Variants in TMEM87B observed in about 807,000 individuals in gnomAD.
TMEM87B encodes the protein transmembrane protein 87B.
TMEM87B carries 83 observed loss-of-function variants against 80.3 expected under a neutral mutation model. The ratio of observed to expected loss-of-function variants is 1.03; its 90% CI spans 0.87 to 1.24. The LOEUF (loss-of-function observed/expected upper bound fraction) is 1.24, where lower values mean the gene tolerates loss of function less well. Ranked by LOEUF, TMEM87B falls within the 50% of genes most tolerant of loss-of-function variation. The pLI is 0.00. For missense variants in TMEM87B, 625 were observed against 674.4 expected (o/e 0.93, Z 0.81); for synonymous variants, 219 against 230.5 (o/e 0.95, Z 0.45).
At chr2:112,077,543 A>G (rs1233539322) in intron 6 of TMEM87B, among the ~76,000 whole-genome samples, 1 of 152,232 alleles carries the variant, frequency 6.6e-6, no homozygotes, top group African/African-American at 2.4e-5. Context: ...AAAATTCTCC[A>G]TTCTTTCAGA....
At chr2:112,086,858 C>T (rs1396225938) in intron 9 of TMEM87B, among the ~76,000 whole-genome samples, 2 of 152,170 alleles carry the variant, frequency 1.3e-5, no homozygotes, top group African/African-American at 4.8e-5. Flanking sequence ...CCCCACCTCT[C>T]CTGCTCTTGC....
At chr2:112,098,565 C>G (rs780546698) in intron 13 of TMEM87B, 30 bp from the exon 14 acceptor site, 2 of 1,599,438 alleles carry the variant, frequency 1.3e-6, no homozygotes, top group South Asian at 2.2e-5. Flanking sequence ...AGAAAATTAA[C>G]GTTTCATGCT....
intron 4 of TMEM87B, among the ~76,000 whole-genome samples, chr2:112,073,301 T>A (rs1678713490): frequency 6.6e-6 from 1 of 152,234 alleles, no homozygotes. Context: ...TGGTATGTTG[T>A]ATCTTTGTTC....
chr2:112,056,562 T>A (rs1558824299), intron 1 of TMEM87B, among the ~76,000 whole-genome samples: 2 of 152,166 alleles, frequency 1.3e-5, no homozygotes, highest in Non-Finnish European at 2.9e-5. Flanking sequence ...AGGCATTATC[T>A]CCGGCTTCTC....
At chr2:112,073,415 G>A (rs751977024) in intron 4 of TMEM87B, among the ~76,000 whole-genome samples, 6 of 152,130 alleles carry the variant, frequency 3.9e-5, no homozygotes, top group African/African-American at 2.4e-5. Context: ...GTACGGTTTC[G>A]AAAGATTTTC....
chr2:112,064,650 G>A lies in TMEM87B; in HGVS notation c.318+397G>A, dbSNP rs1678362318. ...CGCAGAAAGAGGTGAGGAGAAGAAA[G>A]GAGGTATCTGGGGAAAGGCAGAGGA... is the stretch of plus-strand genomic sequence containing the variant. On this transcript the variant is annotated intron_variant, in intron 3 of 18. Coordinates refer to ENST00000283206, the MANE Select transcript of TMEM87B (RefSeq NM_032824.3). 2.0e-5 allele frequency among the ~76,000 whole-genome samples: 3 copies of A among 152,218 alleles called. No homozygotes were observed. The South Asian group carries it at 6.2e-4, about 32-fold the overall frequency.
intron 14 of TMEM87B, among the ~76,000 whole-genome samples, chr2:112,099,062 C>T (rs912308288): frequency 6.6e-6 from 1 of 152,066 alleles, no homozygotes; most frequent in Non-Finnish European, 1.5e-5. Flanking sequence ...ACCACATACT[C>T]ATATTGGAGG....
chr2:112,112,844 A>C, intron 17 of TMEM87B, 55 bp from the exon 18 acceptor site: 1 of 1,559,446 alleles, frequency 6.4e-7, no homozygotes, highest in Non-Finnish European at 8.8e-7. Context: ...GCTTTCGTGG[A>C]TACACTGGCC....
At chr2:112,115,884 C>T (rs1226583163) in intron 18 of TMEM87B, among the ~76,000 whole-genome samples, 200 bp from the exon 19 acceptor site, 1 of 152,196 alleles carries the variant, frequency 6.6e-6, no homozygotes, top group Non-Finnish European at 1.5e-5. Flanking sequence ...AGCCTTCCCG[C>T]CTCGGCCTCC....
At chr2:112,100,823 C>T (rs1399392897) in intron 15 of TMEM87B, 128 bp downstream of exon 15, 1 of 543,130 alleles carries the variant, frequency 1.8e-6, no homozygotes, top group African/African-American at 2.0e-5. Context: ...CTTTTATCTT[C>T]AGAAACCTTA....
chr2:112,075,534 C>T (rs1012833912), intron 5 of TMEM87B, among the ~76,000 whole-genome samples: 16 of 152,250 alleles, frequency 1.1e-4, no homozygotes, highest in East Asian at 3.9e-4. Context: ...AAAATTCCCC[C>T]TCTAAATGTG....
chr2:112,116,243 G>A lies in TMEM87B; in HGVS notation c.*100G>A, dbSNP rs891685486. The A allele has an allele frequency of 2.9e-6, 3 of 1,026,900 alleles. No homozygotes were observed. In the Admixed American group the frequency reaches 7.2e-5, roughly 25 times the overall value. 63.6% of individuals were successfully genotyped at this position (1,026,900 alleles called of 1,614,324 possible). A position where few individuals can be genotyped will look rare whatever the true frequency, so the allele number is the denominator to read the frequency against. The stretch of plus-strand genomic sequence containing the variant: ...GATATTGCCTAAAAATTTTTATTGT[G>A]TTATCTTGGAAGTCTGTGTATCAAA... On this transcript the variant is annotated 3_prime_UTR_variant, in exon 19 of 19. Coordinates refer to ENST00000283206, the MANE Select transcript of TMEM87B (RefSeq NM_032824.3).
intron 4 of TMEM87B, among the ~76,000 whole-genome samples, chr2:112,067,403 T>C (rs1678468943): frequency 6.6e-6 from 1 of 151,706 alleles, no homozygotes; most frequent in South Asian, 2.1e-4. Context: ...TGGTCAGGAG[T>C]TTGAGACCAG....
At chr2:112,069,485 G>A (rs528170917) in intron 4 of TMEM87B, among the ~76,000 whole-genome samples, 1 of 152,272 alleles carries the variant, frequency 6.6e-6, no homozygotes, top group South Asian at 2.1e-4. Flanking sequence ...CCATGTCCCT[G>A]CAAAGGACAC....
chr2:112,069,322 C>G (rs1332049522), intron 4 of TMEM87B, among the ~76,000 whole-genome samples: 2 of 152,128 alleles, frequency 1.3e-5, no homozygotes, highest in African/African-American at 4.8e-5. Flanking sequence ...TCCTCCCAGC[C>G]TTCACCCTTA....
In TMEM87B at chr2:112,107,801, A is replaced by G; in HGVS notation, c.1538A>G (p.Lys513Arg). Residue 513 changes from lysine to arginine, a missense_variant, in exon 17 of 19, where the codon AAG (lysine) becomes AGG (arginine). Physicochemically the swap from Lys to Arg is conservative, Grantham distance 26 (BLOSUM62 2). Coordinates refer to ENST00000283206, the MANE Select transcript of TMEM87B (RefSeq NM_032824.3). ...ATATTTCTACAGGATGAAGATTTGA[A>G]GTGGGTAGAAGAAAATATTCCCTCT... is the stretch of plus-strand genomic sequence containing the variant. Reference protein sequence around the residue: ...ATSENFDEDLKWVEENIPSSF... With the variant: ...ATSENFDEDLRWVEENIPSSF... 2 of 1,577,404 alleles carry G rather than the reference A, an allele frequency of 1.3e-6. No homozygotes were observed. The highest frequency in any genetic ancestry group is 1.2e-5 in the South Asian group (1 of 86,532).
intron 5 of TMEM87B, 26 bp downstream of exon 5, chr2:112,074,988 T>G: frequency 6.3e-7 from 1 of 1,576,688 alleles, no homozygotes; most frequent in Non-Finnish European, 8.6e-7. Flanking sequence ...TGTCTTTAAA[T>G]CAAATATACA....
intron 3 of TMEM87B, among the ~76,000 whole-genome samples, chr2:112,066,251 A>G (rs551847502): frequency 6.6e-6 from 1 of 152,204 alleles, no homozygotes; most frequent in Non-Finnish European, 1.5e-5. Context: ...ATTCTACTAT[A>G]AGGATGCACT....
intron 3 of TMEM87B, among the ~76,000 whole-genome samples, chr2:112,065,739 A>G (rs1208731982): frequency 1.3e-5 from 2 of 151,002 alleles, no homozygotes; most frequent in African/African-American, 2.4e-5. Context: ...TCCACACCCC[A>G]TACCGGAACC....
Sources: allele counts gnomAD v4.1 joint callset (sites outside exome capture counted in the v4.1 genomes callset), GRCh38; gene constraint gnomAD v4.1.1; transcripts MANE v1.5; gene names NCBI Gene and HGNC (gene_info 2026-07-23, HGNC 2026-07-21).